MORC3: variants seen among roughly 807,000 people sequenced by gnomAD.
MORC3 encodes MORC family CW-type zinc finger 3, also known as MORC family CW-type zinc finger protein 3.
In MORC3, 31 loss-of-function variants were observed where a neutral mutation model predicts 109.1. The ratio of observed to expected loss-of-function variants is 0.28; its 90% CI spans 0.21 to 0.38. The LOEUF (loss-of-function observed/expected upper bound fraction) is 0.38. MORC3 is among the 10% of genes least tolerant of loss of function. The pLI is 1.00. For missense variants in MORC3, 867 were observed against 1,135.8 expected, an observed-to-expected ratio of 0.76 and a Z score of 3.40; for synonymous variants, 395 against 380.7, an observed-to-expected ratio of 1.04 and a Z score of -0.44.
At chr21:36,326,167 A>G (rs915052579) in intron 1 of MORC3, among the ~76,000 whole-genome samples, 28 of 151,740 alleles carry the variant, frequency 1.8e-4, no homozygotes, top group African/African-American at 6.5e-4. Context: ...AGATCGCGCC[A>G]TTGCACTCTA....
chr21:36,361,519 C>T (rs1431877601), intron 12 of MORC3, among the ~76,000 whole-genome samples: 3 of 103,528 alleles, frequency 2.9e-5, no homozygotes, highest in East Asian at 3.2e-4. Context: ...CCAGCCTGGG[C>T]GACAGAGTGA....
intron 13 of MORC3, among the ~76,000 whole-genome samples, chr21:36,362,561 G>A (rs2085731752): frequency 6.6e-6 from 1 of 151,920 alleles, no homozygotes; most frequent in African/African-American, 2.4e-5. Flanking sequence ...AAATAAAATA[G>A]GGATGGGGTC....
At chr21:36,356,590 T>A in intron 9 of MORC3, 30 bp from the exon 10 acceptor site, 2 of 1,397,022 alleles carry the variant, frequency 1.4e-6, no homozygotes, top group Admixed American at 4.8e-5. Context: ...GAAAAGAATT[T>A]TTTCTTGATT....
chr21:36,359,556 C>CTTTTTTTTTTTTTTTTTTTTTTTT (rs5843757), intron 10 of MORC3, among the ~76,000 whole-genome samples: 1 of 93,952 alleles, frequency 1.1e-5, no homozygotes, highest in African/African-American at 4.8e-5. Context: ...CTTTCCTCTC[C>CTTTTTTTTTTTTTTTTTTTTTTTT]TTTTTTTTTT....
rs769338536 is a variant in MORC3 at position 36,369,588 on chromosome 21, G to T, written c.2220G>T (p.Lys740Asn). ...TAGAAATGAATGACAAGTATGTTAA[G>T]AAAGAAACTTGCCATCAGTCCACTG... Reference protein sequence around the residue: ...RILEMNDKYVKKETCHQSTET... With the variant: ...RILEMNDKYVNKETCHQSTET... The change falls in exon 15 of 17, where the codon AAG becomes AAT. Residue 740 changes from lysine to asparagine, a missense_variant. Physicochemically the swap from Lys to Asn is moderately conservative, Grantham distance 94. Transcript: ENST00000400485. 3 of 1,614,208 alleles carry T rather than the reference G, an allele frequency of 1.9e-6. No homozygotes were observed. Among genetic ancestry groups the T allele is most frequent in the Admixed American group, 1.7e-5 (1 of 60,016 alleles).
chr21:36,359,706 A>G (rs2085691489), intron 10 of MORC3, among the ~76,000 whole-genome samples: 2 of 151,226 alleles, frequency 1.3e-5, no homozygotes, highest in East Asian at 3.9e-4. Flanking sequence ...GGTGTGCATT[A>G]CCACTCCCAG....
At position 36,364,397 on chromosome 21, in the gene MORC3, A is replaced by G. The variant is rs909645159; in HGVS notation, c.1619+138A>G. ...AGGTTCCATGAATGTGAAAATCTTC[A>G]GGACAAATTGTCTTGCTTTTATTGT... On this transcript the variant is annotated intron_variant, in intron 14 of 16. Coordinates refer to ENST00000400485, the MANE Select transcript of MORC3 (RefSeq NM_015358.3). 7.2e-6 allele frequency: 7 copies of G among 974,056 alleles called. No homozygotes were observed. In the African/African-American group the frequency reaches 8.3e-5, roughly 12 times the overall value. 60.3% of individuals were successfully genotyped at this position (974,056 alleles called of 1,614,324 possible).
chr21:36,326,579 A>G (rs2085250222), intron 1 of MORC3, among the ~76,000 whole-genome samples: 1 of 152,188 alleles, frequency 6.6e-6, no homozygotes, highest in Non-Finnish European at 1.5e-5. Context: ...GTTGAACTTT[A>G]TCATACATAT....
chr21:36,329,775 T>A (rs2085293240), intron 1 of MORC3, among the ~76,000 whole-genome samples: 1 of 152,192 alleles, frequency 6.6e-6, no homozygotes, highest in Admixed American at 6.6e-5. Context: ...TATCTTGAAA[T>A]TGCCTTGCAA....
At chr21:36,351,288 G>A (rs931555547) in intron 9 of MORC3, among the ~76,000 whole-genome samples, 13 of 151,954 alleles carry the variant, frequency 8.6e-5, no homozygotes, top group African/African-American at 2.7e-4. Context: ...GGATGGTCTT[G>A]ATCTGTTGAC....
chr21:36,353,229 T>A (rs569624445), intron 9 of MORC3, among the ~76,000 whole-genome samples: 6 of 150,564 alleles, frequency 4.0e-5, no homozygotes, highest in African/African-American at 1.5e-4. Flanking sequence ...TGGTGGCGTG[T>A]GGCTGTAATC....
chr21:36,369,014 C>A lies in MORC3; in HGVS notation c.1646C>A (p.Ser549Tyr), dbSNP rs1182032939. ...NSLKRRLSTR[S>Y]SILNAKNRRL... Reference sequence around the variant, plus strand: ...TTGAAACGGAGACTTTCTACTCGTTCCTCAATTTTGAATGCAAAGAATCGG... The same window carrying A: ...TTGAAACGGAGACTTTCTACTCGTTACTCAATTTTGAATGCAAAGAATCGG... Residue 549 changes from serine (S) to tyrosine (Y), a missense_variant, in exon 15 of 17, where the codon TCC becomes TAC. By Grantham distance (144) the Ser-to-Tyr change is moderately radical (BLOSUM62 -2). Around this residue, in one of 7 missense-constraint regions of MORC3, gnomAD observed 486 missense variants for 502.1 expected, o/e 0.97. Transcript: ENST00000400485. 6.2e-7 allele frequency: 1 copy of A among 1,609,650 alleles called. No homozygotes were observed. Among genetic ancestry groups the A allele is most frequent in the African/African-American group, 1.3e-5 (1 of 74,730 alleles).
At chr21:36,370,871 A>G (rs2085858660) in intron 15 of MORC3, among the ~76,000 whole-genome samples, 1 of 151,594 alleles carries the variant, frequency 6.6e-6, no homozygotes, top group South Asian at 2.1e-4. Flanking sequence ...GTTTCACCAC[A>G]TTGGCCAGGC....
chr21:36,370,627 ATATATATATATATTTTTTT>A (rs2085846293), intron 15 of MORC3, among the ~76,000 whole-genome samples: 2 of 15,390 alleles, frequency 1.3e-4, no homozygotes, highest in African/African-American at 6.5e-4. Context: ...ATATATATAT[ATATATATATATATTTTTTT>A]TTTTTTTTTT....
At chr21:36,331,514 T>C (rs1383622545) in intron 1 of MORC3, among the ~76,000 whole-genome samples, 1 of 151,752 alleles carries the variant, frequency 6.6e-6, no homozygotes, top group Admixed American at 6.6e-5. Context: ...AGGAGAATGG[T>C]GTAAGTAAAC....
At chr21:36,333,313 G>C (rs573461467) in intron 1 of MORC3, 1 of 241,502 alleles carries the variant, frequency 4.1e-6, no homozygotes, top group Non-Finnish European at 7.9e-6. Flanking sequence ...AGGAAATGGT[G>C]TTTATAGGAT....
intron 1 of MORC3, among the ~76,000 whole-genome samples, chr21:36,323,570 A>C (rs2085216025): frequency 6.6e-6 from 1 of 152,128 alleles, no homozygotes; most frequent in African/African-American, 2.4e-5. Flanking sequence ...GGGAAGAAAA[A>C]AATTTCATCA....
intron 1 of MORC3, among the ~76,000 whole-genome samples, chr21:36,332,177 G>A (rs1368735839): frequency 6.6e-6 from 1 of 152,088 alleles, no homozygotes; most frequent in African/African-American, 2.4e-5. Context: ...GCTTACACCT[G>A]TAATCCCAGC....
intron 2 of MORC3, among the ~76,000 whole-genome samples, chr21:36,334,621 C>T (rs2085354587): frequency 6.6e-6 from 1 of 151,990 alleles, no homozygotes; most frequent in Admixed American, 6.6e-5. Context: ...ATTAGTAGTA[C>T]AAAAGTATGT....
Sources: allele counts gnomAD v4.1 joint callset (sites outside exome capture counted in the v4.1 genomes callset), GRCh38; gene constraint gnomAD v4.1.1; regional missense constraint gnomAD v4.1.1; transcripts MANE v1.5; gene names NCBI Gene and HGNC (gene_info 2026-07-23, HGNC 2026-07-21).